NFIA: variants seen among roughly 807,000 people sequenced by gnomAD.
NFIA encodes the protein nuclear factor 1 A-type.
Under a neutral mutation model 62.8 loss-of-function variants are expected in NFIA, and 8 were observed. The ratio of observed to expected loss-of-function variants is 0.13; its 90% CI spans 0.07 to 0.23. The LOEUF (loss-of-function observed/expected upper bound fraction) is 0.23, where lower values mean the gene tolerates loss of function less well. Among genes scored for constraint, NFIA ranks in the 10% least tolerant of loss-of-function variants. The pLI, the probability that NFIA is intolerant of heterozygous loss-of-function variation, is 1.00. For synonymous variants in NFIA, 235 were observed against 238.1 expected (o/e 0.99, Z 0.12); for missense variants, 410 against 642.1 (o/e 0.64, Z 3.91).
chr1:61,185,141 CA>C (rs1651071013), intron 2 of NFIA, among the ~76,000 whole-genome samples: 1 of 152,086 alleles, frequency 6.6e-6, no homozygotes, highest in Non-Finnish European at 1.5e-5. Flanking sequence ...TTTATCTTTG[CA>C]CCCTGACATG....
At chr1:61,190,078 A>G (rs929299994) in intron 2 of NFIA, among the ~76,000 whole-genome samples, 10 of 152,340 alleles carry the variant, frequency 6.6e-5, no homozygotes, top group African/African-American at 1.2e-4. Flanking sequence ...GAGTGCTGCA[A>G]TGTGGCACAC....
Position 61,143,514 on chromosome 1 carries a change from C to T in NFIA, c.559+54834C>T, listed in dbSNP as rs114153093. On this transcript the variant is annotated intron_variant, in intron 2 of 10. Coordinates refer to ENST00000403491, the MANE Select transcript of NFIA (RefSeq NM_001134673.4). ...AAGCAGTCCTCCCACCTCAGCCTCC[C>T]AGGTAACTGGGGCTACAGGTGTCTG... Among the ~76,000 whole-genome samples the T allele has an allele frequency of 7.0e-3, 1,064 of 152,188 alleles. 16 individuals carry two copies. Among genetic ancestry groups the T allele is most frequent in the African/African-American group, 0.023 (975 of 41,538 alleles).
intron 7 of NFIA, among the ~76,000 whole-genome samples, chr1:61,390,184 C>T (rs907527801): frequency 3.3e-5 from 5 of 152,166 alleles, no homozygotes; most frequent in African/African-American, 1.2e-4. Flanking sequence ...GGAGACCCAA[C>T]CGCTATTGTC....
rs548161687 is a variant in NFIA, at chr1:61,357,961, G to A, written c.819-1186G>A. On this transcript the variant is annotated intron_variant, in intron 5 of 10. Coordinates refer to ENST00000403491, the MANE Select transcript of NFIA (RefSeq NM_001134673.4). ...AACTACAGCAAGCATAGCAGCAGGC[G>A]GCATTTCACTACGTTTTCACTCCTG... Among the ~76,000 whole-genome samples the A allele has an allele frequency of 3.9e-5, 6 of 152,178 alleles. No homozygotes were observed. The East Asian group carries it at 1.2e-3, about 29-fold the overall frequency.
chr1:61,354,488 G>T (rs968454705), intron 5 of NFIA, among the ~76,000 whole-genome samples: 58 of 152,208 alleles, frequency 3.8e-4, no homozygotes, highest in African/African-American at 1.2e-3. Flanking sequence ...TACCTGTTCT[G>T]ATTTATTCTT....
intron 2 of NFIA, among the ~76,000 whole-genome samples, chr1:61,235,078 C>T (rs1027019469): frequency 2.0e-5 from 3 of 152,146 alleles, no homozygotes; most frequent in Non-Finnish European, 4.4e-5. Context: ...AATAAGTTGC[C>T]ACTTGCAGTG....
chr1:61,246,072 G>A (rs1655624827), intron 2 of NFIA, among the ~76,000 whole-genome samples: 1 of 152,158 alleles, frequency 6.6e-6, no homozygotes, highest in South Asian at 2.1e-4. Flanking sequence ...TTTTCTAGTG[G>A]CTGCTTTATG....
At chr1:61,292,935 T>C (rs1658980605) in intron 3 of NFIA, among the ~76,000 whole-genome samples, 1 of 152,194 alleles carries the variant, frequency 6.6e-6, no homozygotes, top group Non-Finnish European at 1.5e-5. Context: ...CGTGCAATGC[T>C]CTTTTCCATG....
At chr1:61,400,197 GCTCT>G (rs1238396840) in intron 7 of NFIA, among the ~76,000 whole-genome samples, 1 of 152,172 alleles carries the variant, frequency 6.6e-6, no homozygotes, top group Non-Finnish European at 1.5e-5. Flanking sequence ...GGAAATTGTG[GCTCT>G]CTGTTTCTTT....
Position 61,082,612 on chromosome 1 carries a change from A to G in NFIA, c.-180A>G. ...GCAATAGCGCTGGCTGGCTGGCTGC[A>G]GTTGAGCCGACTTGGAAATGTGAAC... On this transcript the variant is annotated 5_prime_UTR_variant, in exon 1 of 11. Coordinates refer to ENST00000403491, the MANE Select transcript of NFIA (RefSeq NM_001134673.4). The G allele has an allele frequency of 7.4e-6, 11 of 1,495,714 alleles. No individual in the cohort carries two copies. The highest frequency in any genetic ancestry group is 9.8e-6 in the Non-Finnish European group (11 of 1,117,640). 92.7% of individuals were successfully genotyped at this position (1,495,714 alleles called of 1,614,324 possible).
intron 2 of NFIA, among the ~76,000 whole-genome samples, chr1:61,239,175 A>G (rs923033777): frequency 3.3e-5 from 5 of 152,110 alleles, no homozygotes; most frequent in Middle Eastern, 3.2e-3. Flanking sequence ...AAATGTATCC[A>G]TTTGGGAAAA....
intron 7 of NFIA, among the ~76,000 whole-genome samples, chr1:61,395,070 G>A (rs1490562271): frequency 6.6e-6 from 1 of 152,098 alleles, no homozygotes; most frequent in African/African-American, 2.4e-5. Context: ...TTGCATCACT[G>A]CCCTCCAGCC....
chr1:61,081,863 C>G, upstream of NFIA: 2 of 1,537,114 alleles, frequency 1.3e-6, no homozygotes, highest in Non-Finnish European at 1.7e-6. Flanking sequence ...GGAGAGATTA[C>G]AATGCTTTGA....
chr1:61,194,557 CTTAA>C (rs1470432227), intron 2 of NFIA, among the ~76,000 whole-genome samples: 1 of 152,050 alleles, frequency 6.6e-6, no homozygotes, highest in Non-Finnish European at 1.5e-5. Context: ...TCCATGCAAA[CTTAA>C]TTAATTTTCA....
intron 4 of NFIA, among the ~76,000 whole-genome samples, chr1:61,335,581 G>T (rs1172830473): frequency 3.9e-5 from 6 of 152,178 alleles, no homozygotes; most frequent in African/African-American, 1.4e-4. Flanking sequence ...GGTGGCTCAT[G>T]CCTGTAATCC....
intron 2 of NFIA, among the ~76,000 whole-genome samples, chr1:61,135,765 A>G (rs76340071): frequency 0.026 from 3,943 of 152,272 alleles, 151 homozygotes; most frequent in African/African-American, 0.09. Flanking sequence ...CCACCTTAGC[A>G]TTACATTTGC....
rs972311915 is a variant in NFIA, at chr1:61,460,251, C to T, written c.*4931C>T. The T allele has an allele frequency of 1.3e-5, 2 of 152,170 alleles. No homozygotes were observed. The highest frequency in any genetic ancestry group is 1.9e-4 in the East Asian group (1 of 5,204). The allele number at this position is 152,170 out of a possible 1,614,324, so 9.4% of individuals were successfully genotyped here. A position where few individuals can be genotyped will look rare whatever the true frequency, so the allele number is the denominator to read the frequency against. Reference sequence around the variant, plus strand: ...GGCTGTGCATTCGTCTAATTAGCGTCGTGTATGTTTTCCTTTTATTTTTTC... The same window carrying T: ...GGCTGTGCATTCGTCTAATTAGCGTTGTGTATGTTTTCCTTTTATTTTTTC... On this transcript the variant is annotated 3_prime_UTR_variant, in exon 11 of 11. Coordinates refer to ENST00000403491, the MANE Select transcript of NFIA (RefSeq NM_001134673.4).
intron 2 of NFIA, among the ~76,000 whole-genome samples, chr1:61,259,490 T>C (rs144883904): frequency 6.6e-5 from 10 of 152,298 alleles, no homozygotes; most frequent in Admixed American, 2.0e-4. Context: ...GTGGGAGTTA[T>C]ATACACAGAG....
At position 61,088,584 on chromosome 1, in the gene NFIA, C is replaced by A. The variant is rs2100414813; in HGVS notation, c.463C>A (p.Gln155Lys). ...TGGCGAGCGCCTTGTAAAGTCCCCA[C>A]AATGCTCTAATCCAGGGCTCTGTGT... The part of the protein sequence containing the change: ...TDGERLVKSP[Q>K]CSNPGLCVQP... The change falls in exon 2 of 11, where the codon CAA (glutamine) becomes AAA (lysine). Residue 155 changes from glutamine to lysine, a missense_variant. This residue lies in a region of NFIA where 26 missense variants were observed against 79.4 expected (regional missense o/e 0.33). Coordinates refer to ENST00000403491, the MANE Select transcript of NFIA (RefSeq NM_001134673.4). The surrounding 1 kb of genome is among the most constrained non-coding windows in gnomAD (Gnocchi z 4.5). The A allele has an allele frequency of 6.2e-7, 1 of 1,614,164 alleles. No individual in the cohort carries two copies. Among genetic ancestry groups the A allele is most frequent in the Non-Finnish European group, 8.5e-7 (1 of 1,180,020 alleles).
Sources: allele counts gnomAD v4.1 joint callset (sites outside exome capture counted in the v4.1 genomes callset), GRCh38; gene constraint gnomAD v4.1.1; regional missense constraint gnomAD v4.1.1; non-coding constraint Gnocchi (gnomAD v3.1); transcripts MANE v1.5; gene names NCBI Gene and HGNC (gene_info 2026-07-23, HGNC 2026-07-21).